NEBL: variants seen among roughly 807,000 people sequenced by gnomAD.
The protein encoded by NEBL is nebulette, also known as LIM and SH3 protein 2.
NEBL carries 122 observed loss-of-function variants against 140.2 expected under a neutral mutation model. That is an observed-to-expected ratio of 0.87 (90% CI 0.75 to 1.01). The LOEUF (loss-of-function observed/expected upper bound fraction) is 1.01. NEBL is among the 50% of genes least tolerant of loss of function. The probability of loss-of-function intolerance (pLI) is 0.00; values close to 1 mark genes in which losing one functional copy is unlikely to be tolerated. For synonymous variants in NEBL, 436 were observed against 398.9 expected (o/e 1.09, Z -1.11); for missense variants, 1,365 against 1,231.3 (o/e 1.11, Z -1.62).
At chr10:20,789,853 TTA>T (rs537896711) in intron 26 of NEBL, among the ~76,000 whole-genome samples, 1 of 149,466 alleles carries the variant, frequency 6.7e-6, no homozygotes. Context: ...ATCTCAAATT[TTA>T]TATATATATA....
rs932523153 is a variant in NEBL, at chr10:21,124,003, A to G, written c.164+48380T>C. Reference sequence around the variant, plus strand: ...GTGTGTTCACTGGCACCAATCTATGACATTTTATGCATACAGAAGGTAGAC... The same window carrying G: ...GTGTGTTCACTGGCACCAATCTATGGCATTTTATGCATACAGAAGGTAGAC... On this transcript the variant is annotated intron_variant, in intron 2 of 6. Coordinates refer to the NEBL transcript ENST00000417816. Among the ~76,000 whole-genome samples the G allele has an allele frequency of 7.2e-5, 11 of 151,974 alleles. No homozygotes were observed. The South Asian group carries it at 1.2e-3, about 17-fold the overall frequency.
chr10:20,935,477 C>T (rs554115861), intron 4 of NEBL, among the ~76,000 whole-genome samples: 1 of 152,250 alleles, frequency 6.6e-6, no homozygotes, highest in South Asian at 2.1e-4. Flanking sequence ...AGAACATGCT[C>T]CCCTCGGTAG....
At chr10:21,158,015 CT>C (rs1192672576) in intron 2 of NEBL, among the ~76,000 whole-genome samples, 1 of 152,194 alleles carries the variant, frequency 6.6e-6, no homozygotes, top group East Asian at 1.9e-4. Flanking sequence ...GAAACCAACC[CT>C]ACAGACACTT....
intron 3 of NEBL, among the ~76,000 whole-genome samples, chr10:21,187,155 C>G (rs1419846436): frequency 6.6e-6 from 1 of 152,076 alleles, no homozygotes; most frequent in African/African-American, 2.4e-5. Context: ...ATGCACACGT[C>G]TGAAAGGATG....
chr10:20,846,500 G>C (rs1841960872), intron 11 of NEBL, among the ~76,000 whole-genome samples: 1 of 152,154 alleles, frequency 6.6e-6, no homozygotes, highest in Non-Finnish European at 1.5e-5. Flanking sequence ...TAGCCACAAG[G>C]AGAGAAACAA....
At chr10:21,231,608 G>A (rs1191593603) in intron 3 of NEBL, among the ~76,000 whole-genome samples, 2 of 151,764 alleles carry the variant, frequency 1.3e-5, no homozygotes, top group Non-Finnish European at 2.9e-5. Context: ...TGTGGGGCAA[G>A]GGAACAGTAT....
At chr10:21,238,552 A>T (rs541744198) in intron 3 of NEBL, among the ~76,000 whole-genome samples, 3 of 151,548 alleles carry the variant, frequency 2.0e-5, no homozygotes, top group East Asian at 1.9e-4. Context: ...AAAAAAAAAA[A>T]TACCAAAATT....
chr10:20,924,012 G>C (rs902931090), intron 4 of NEBL, among the ~76,000 whole-genome samples: 3 of 151,980 alleles, frequency 2.0e-5, no homozygotes, highest in East Asian at 3.9e-4. Context: ...AGCTTTACTG[G>C]GCCCCACATC....
At chr10:20,794,116 G>A (rs1200667356) in intron 26 of NEBL, among the ~76,000 whole-genome samples, 1 of 152,184 alleles carries the variant, frequency 6.6e-6, no homozygotes, top group Non-Finnish European at 1.5e-5. Context: ...TAATTTGGAG[G>A]TTAGCGTGCA....
At chr10:21,159,664 A>G (rs1340122022) in intron 2 of NEBL, among the ~76,000 whole-genome samples, 1 of 152,242 alleles carries the variant, frequency 6.6e-6, no homozygotes. Flanking sequence ...ATGGTCTGCC[A>G]TGCAGCGGGG....
intron 2 of NEBL, among the ~76,000 whole-genome samples, chr10:21,050,846 C>T (rs1834748723): frequency 6.6e-6 from 1 of 152,170 alleles, no homozygotes; most frequent in African/African-American, 2.4e-5. Context: ...GCTGTAGGGG[C>T]TGTGCTCTCT....
rs572737249 is a variant in NEBL at position 21,230,742 on chromosome 10, T to A, written n.348+17179A>T. Among the ~76,000 whole-genome samples the A allele has an allele frequency of 1.4e-4, 22 of 151,934 alleles. 2 individuals are homozygous for A. Among genetic ancestry groups the A allele is most frequent in the African/African-American group, 5.1e-4 (21 of 41,438 alleles). On this transcript the variant is annotated intron_variant and non_coding_transcript_variant, in intron 3 of 8. Transcript: ENST00000675702. ...GCCTCAGCCTCCCAAGTAGCTGGGA[T>A]TAAAGGCACCCACCGCCAAGCCCAG...
chr10:21,017,013 AG>A (rs1457228098), intron 3 of NEBL, among the ~76,000 whole-genome samples: 6 of 152,214 alleles, frequency 3.9e-5, no homozygotes, highest in South Asian at 2.1e-4. Flanking sequence ...CTTTGCTTAC[AG>A]ATCTTTTCTA....
At chr10:20,877,352 C>T (rs1361052120) in intron 5 of NEBL, among the ~76,000 whole-genome samples, 1 of 152,208 alleles carries the variant, frequency 6.6e-6, no homozygotes, top group Non-Finnish European at 1.5e-5. Flanking sequence ...ACATTTTAAC[C>T]AATGTCTGAC....
intron 2 of NEBL, among the ~76,000 whole-genome samples, chr10:21,167,702 A>G (rs2132170950): frequency 6.6e-6 from 1 of 152,368 alleles, no homozygotes; most frequent in East Asian, 1.9e-4. Flanking sequence ...GTTTATACTC[A>G]TTGTGTGGCT....
At chr10:21,044,397 TAA>T (rs57176129) in intron 2 of NEBL, among the ~76,000 whole-genome samples, 320 of 34,794 alleles carry the variant, frequency 9.2e-3, no homozygotes, top group East Asian at 0.08. Context: ...AGAGTAAGAA[TAA>T]AAAAAAAAAA....
At chr10:21,216,987 C>T (rs889417479) in intron 3 of NEBL, among the ~76,000 whole-genome samples, 9 of 126,128 alleles carry the variant, frequency 7.1e-5, no homozygotes, top group Non-Finnish European at 1.2e-4. Flanking sequence ...GACTCAGTCT[C>T]GAAGAAAAAA....
At chr10:21,046,397 T>C (rs1456674061) in intron 2 of NEBL, among the ~76,000 whole-genome samples, 1 of 152,200 alleles carries the variant, frequency 6.6e-6, no homozygotes, top group Non-Finnish European at 1.5e-5. Context: ...GTAATACATA[T>C]GTTAAATAGC....
intron 4 of NEBL, among the ~76,000 whole-genome samples, chr10:20,906,420 C>T (rs368274354): frequency 6.6e-6 from 1 of 152,008 alleles, no homozygotes; most frequent in Non-Finnish European, 1.5e-5. Flanking sequence ...AATTTATGAG[C>T]CTTATTCCAA....
Sources: allele counts gnomAD v4.1 joint callset (sites outside exome capture counted in the v4.1 genomes callset), GRCh38; gene constraint gnomAD v4.1.1; transcripts MANE v1.5; gene names NCBI Gene and HGNC (gene_info 2026-07-23, HGNC 2026-07-21).